Variants in MIEF2 observed in about 807,000 individuals in gnomAD.
MIEF2 encodes the protein mitochondrial elongation factor 2, also known as mitochondrial dynamics protein MID49.
MIEF2 carries 1 observed loss-of-function variant against 7.4 expected under a neutral mutation model. That is an observed-to-expected ratio of 0.14 (90% CI 0.05 to 0.64). The LOEUF (loss-of-function observed/expected upper bound fraction) is 0.64, where lower values mean the gene tolerates loss of function less well. MIEF2 is among the 30% of genes least tolerant of loss of function. The pLI, the probability that MIEF2 is intolerant of heterozygous loss-of-function variation, is 0.85. For synonymous variants in MIEF2, 275 were observed against 290.5 expected, an observed-to-expected ratio of 0.95 and a Z score of 0.54; for missense variants, 569 against 623.9, an observed-to-expected ratio of 0.91 and a Z score of 0.94.
chr17:18,261,172 T>C (rs1156494022), intron 1 of MIEF2: 2 of 1,551,368 alleles, frequency 1.3e-6, no homozygotes, highest in African/African-American at 2.7e-5. Flanking sequence ...GTTGGGAGTA[T>C]TTAAAGCGCT....
At chr17:18,261,195 A>G (rs1215017672) in intron 1 of MIEF2, 1 of 1,550,848 alleles carries the variant, frequency 6.4e-7, no homozygotes, top group Non-Finnish European at 8.7e-7. Context: ...ACAGTTTGCA[A>G]AGTAGATTCC....
In MIEF2 at chr17:18,263,862, G is replaced by A. The variant is rs149931398; in HGVS notation, c.463G>A (p.Asp155Asn). ...GGCTTTGGCCAAACAGCTGGCTGGC[G>A]ACATCGCCCTGGAGCTGCAGGCCTA... ...QVALAKQLAGDIALELQAYFR... is the reference protein window; with the variant it reads ...QVALAKQLAGNIALELQAYFR... Residue 155 changes from aspartate to asparagine, a missense_variant, in exon 4 of 4, where the codon GAC becomes AAC. Asp to Asn is a conservative substitution (Grantham distance 23). Transcript: ENST00000323019. The A allele has an allele frequency of 2.3e-5, 37 of 1,605,066 alleles. No individual in the cohort carries two copies. The highest frequency in any genetic ancestry group is 4.0e-5 in the African/African-American group (3 of 74,946).
intron 2 of MIEF2, 77 bp from the exon 3 acceptor site, chr17:18,263,009 G>C (rs1238673554): frequency 1.3e-6 from 2 of 1,570,428 alleles, no homozygotes; most frequent in Non-Finnish European, 1.7e-6. Context: ...CACCCAGCAC[G>C]CTGGTCTGCT....
rs142068813 is a variant in MIEF2, at chr17:18,264,367, A to C, written c.968A>C (p.Glu323Ala). 60 of 1,604,036 alleles carry C rather than the reference A, an allele frequency of 3.7e-5. No homozygotes were observed. The African/African-American group carries it at 6.5e-4, about 17-fold the overall frequency. ...CGCCTCCTCTTGGCCTGGCCCCTGG[A>C]GGGGCTGGCGGGGAACCTCTGGCTG... ...DDRLLLAWPL[E>A]GLAGNLWLQD... The change falls in exon 4 of 4, where the codon GAG (glutamate) becomes GCG (alanine). Residue 323 changes from glutamate (E) to alanine (A), a missense_variant. By Grantham distance (107) the Glu-to-Ala change is moderately radical. Coordinates refer to ENST00000323019, the MANE Select transcript of MIEF2 (RefSeq NM_139162.4).
Position 18,263,074 on chromosome 17 carries a change from CTG to C in MIEF2, c.148-9_148-8del, listed in dbSNP as rs762640769. On this transcript the variant is annotated splice_polypyrimidine_tract_variant and intron_variant, in intron 2 of 3. Coordinates refer to ENST00000323019, the MANE Select transcript of MIEF2 (RefSeq NM_139162.4). Reference sequence around the variant, plus strand: ...ATTTCATATACACTGATCTGTGTGACTGTGCTTGCAGTTCATTGACAGGGCCA... The same window carrying C: ...ATTTCATATACACTGATCTGTGTGACTGCTTGCAGTTCATTGACAGGGCCA... 1 of 1,612,458 alleles carries C rather than the reference CTG, an allele frequency of 6.2e-7. No individual in the cohort carries two copies. The highest frequency in any genetic ancestry group is 8.5e-7 in the Non-Finnish European group (1 of 1,179,330).
chr17:18,262,034 C>T (rs1978443091), intron 1 of MIEF2, among the ~76,000 whole-genome samples: 1 of 152,128 alleles, frequency 6.6e-6, no homozygotes, highest in Admixed American at 6.5e-5. Context: ...TCCCAGTGGT[C>T]CCCCAGACTG....
rs1978592436 is a variant in MIEF2, at chr17:18,264,077, C to T, written c.678C>T (p.Arg226=). ...VARDPRCWAV[R]RTQLEFCPRG... ...GGGACCCTCGCTGCTGGGCCGTGCG[C>T]AGGACGCAGCTTGAGTTCTGCCCCC... Residue 226 remains arginine (R), a synonymous_variant, in exon 4 of 4, where the codon CGC becomes CGT. Transcript: ENST00000323019. 1 of 1,551,868 alleles carries T rather than the reference C, an allele frequency of 6.4e-7. No individual in the cohort carries two copies. Among genetic ancestry groups the T allele is most frequent in the Non-Finnish European group, 8.7e-7 (1 of 1,153,866 alleles).
chr17:18,261,069 C>T, intron 1 of MIEF2: 1 of 1,542,664 alleles, frequency 6.5e-7, no homozygotes, highest in Non-Finnish European at 8.8e-7. Context: ...TTTTCAGCCA[C>T]CCGTGCCCTT....
In MIEF2 at chr17:18,260,662, A is replaced by G. The variant is rs1978341441; in HGVS notation, c.-83A>G. ...TGGGTTCCAGGGTCCTTCACGTTCCATTCCCAGGCTGGTCTGAGCTCCGGG... is the reference window on the plus strand; with the variant it reads ...TGGGTTCCAGGGTCCTTCACGTTCCGTTCCCAGGCTGGTCTGAGCTCCGGG... On this transcript the variant is annotated 5_prime_UTR_variant, in exon 1 of 4. Transcript: ENST00000323019. The G allele has an allele frequency of 1.1e-5, 2 of 186,380 alleles. No homozygotes were observed. Among genetic ancestry groups the G allele is most frequent in the South Asian group, 8.8e-5 (1 of 11,358 alleles). The allele number at this position is 186,380 out of a possible 1,614,324, so 11.5% of individuals were successfully genotyped here.
In MIEF2 at chr17:18,265,780, A is replaced by T. The variant is rs1978718089; in HGVS notation, c.*1016A>T. 6.6e-6 allele frequency: 1 copy of T among 152,498 alleles called. No homozygotes were observed. The highest frequency in any genetic ancestry group is 1.5e-5 in the Non-Finnish European group (1 of 68,044). 9.4% of individuals were successfully genotyped at this position (152,498 alleles called of 1,614,324 possible). ...AAGGAAAAAATTCTAATGTATATAT[A>T]ACTCAGGCTGGATAAGGGAGTCTTG... is the stretch of plus-strand genomic sequence containing the variant. On this transcript the variant is annotated 3_prime_UTR_variant, in exon 4 of 4. Transcript: ENST00000323019.
At chr17:18,263,320 TG>T (rs1445105702) in intron 3 of MIEF2, 72 bp downstream of exon 3, 2 of 1,587,098 alleles carry the variant, frequency 1.3e-6, no homozygotes, top group Non-Finnish European at 1.7e-6. Flanking sequence ...CCTGACTGAC[TG>T]TGTGACCCTG....
chr17:18,263,779 T>G lies in MIEF2; in HGVS notation c.380T>G (p.Leu127Arg). Reference protein sequence around the residue: ...LSSPAPLCLTLQERLLAFERD... With the variant: ...LSSPAPLCLTRQERLLAFERD... The stretch of plus-strand genomic sequence containing the variant: ...TCCCCAGCACCGCTGTGTCTGACAC[T>G]GCAGGAGAGGCTGCTGGCCTTCGAG... The change falls in exon 4 of 4, where the codon CTG becomes CGG. Residue 127 changes from leucine to arginine, a missense_variant. Transcript: ENST00000323019. 6.2e-7 allele frequency: 1 copy of G among 1,611,234 alleles called. No individual in the cohort carries two copies. Among genetic ancestry groups the G allele is most frequent in the Non-Finnish European group, 8.5e-7 (1 of 1,179,562 alleles).
At chr17:18,263,479 T>C (rs1978540619) in intron 3 of MIEF2, 1 of 835,966 alleles carries the variant, frequency 1.2e-6, no homozygotes, top group Non-Finnish European at 2.0e-6. Context: ...GGGCGTGACA[T>C]ACCTACCTAC....
Position 18,263,850 on chromosome 17 carries a change from CAGCT to C in MIEF2, c.452_455del (p.Gln151ArgfsTer127). On this transcript the variant is annotated frameshift_variant, in exon 4 of 4. Transcript: ENST00000323019. LOFTEE classifies it low-confidence loss of function (END_TRUNC). ...AGCAGCCCAGGTGGCTTTGGCCAAA[CAGCT>C]GGCTGGCGACATCGCCCTGGAGCTG... The C allele has an allele frequency of 1.9e-6, 3 of 1,606,288 alleles. No homozygotes were observed. The highest frequency in any genetic ancestry group is 2.5e-6 in the Non-Finnish European group (3 of 1,179,976).
In MIEF2 at chr17:18,264,723, G is replaced by GCGCT; in HGVS notation, c.1325_1328dup (p.Tyr444AlafsTer39). 1 of 1,612,570 alleles carries GCGCT rather than the reference G, an allele frequency of 6.2e-7. No individual in the cohort carries two copies. Among genetic ancestry groups the GCGCT allele is most frequent in the Non-Finnish European group, 8.5e-7 (1 of 1,179,876 alleles). On this transcript the variant is annotated frameshift_variant, in exon 4 of 4. Transcript: ENST00000323019. LOFTEE classifies it high-confidence loss of function. Reference sequence around the variant, plus strand: ...GGAGGAGATTGACGACATTGGCTATGCGCTATACAGTGGCCTACAGGAGCC... The same window carrying GCGCT: ...GGAGGAGATTGACGACATTGGCTATGCGCTCGCTATACAGTGGCCTACAGGAGCC...
intron 3 of MIEF2, 34 bp downstream of exon 3, chr17:18,263,282 C>T (rs1413632211): frequency 2.5e-6 from 4 of 1,613,370 alleles, no homozygotes; most frequent in Non-Finnish European, 3.4e-6. Flanking sequence ...TTTGGTGTCA[C>T]ATTCAAGAGA....
In MIEF2 at chr17:18,264,135, G is replaced by T; in HGVS notation, c.736G>T (p.Gly246Trp). Residue 246 changes from glycine (G) to tryptophan (W), a missense_variant, in exon 4 of 4, where the codon GGG becomes TGG. Physicochemically the swap from Gly to Trp is radical, Grantham distance 184. Coordinates refer to ENST00000323019, the MANE Select transcript of MIEF2 (RefSeq NM_139162.4). The part of the protein sequence containing the change: ...GSSPWDRFLV[G>W]GYLSSRVLLE... ...CAGCCCCTGGGACCGCTTCCTGGTC[G>T]GGGGCTACCTCTCCTCCCGCGTCCT... 1 of 1,559,284 alleles carries T rather than the reference G, an allele frequency of 6.4e-7. No homozygotes were observed. The highest frequency in any genetic ancestry group is 2.4e-5 in the East Asian group (1 of 42,498).
At position 18,264,263 on chromosome 17, in the gene MIEF2, G is replaced by A. The variant is rs1374651406; in HGVS notation, c.864G>A (p.Leu288=). The change falls in exon 4 of 4, where the codon CTG becomes CTA. Residue 288 remains leucine, a synonymous_variant. Coordinates refer to ENST00000323019, the MANE Select transcript of MIEF2 (RefSeq NM_139162.4). ...LIRPSMASEE[L]LLEVQHERLE... ...GGCCCAGCATGGCCTCGGAGGAGCT[G>A]CTGCTCGAGGTGCAGCACGAACGCC... The A allele has an allele frequency of 1.9e-6, 3 of 1,605,736 alleles. No homozygotes were observed. Among genetic ancestry groups the A allele is most frequent in the Non-Finnish European group, 2.5e-6 (3 of 1,179,814 alleles).
Position 18,263,129 on chromosome 17 carries a change from A to G in MIEF2, c.191A>G (p.Lys64Arg), listed in dbSNP as rs1236723392. 6.2e-7 allele frequency: 1 copy of G among 1,613,624 alleles called. No homozygotes were observed. The highest frequency in any genetic ancestry group is 8.5e-7 in the Non-Finnish European group (1 of 1,180,038). ...AGCCCGCGGGATGAGGATGACACCA[A>G]GGCAGACAGCTGGAAGGAACTGAGC... The part of the protein sequence containing the change: ...ATSPRDEDDT[K>R]ADSWKELSLL... The change falls in exon 3 of 4, where the codon AAG (lysine) becomes AGG (arginine). Residue 64 changes from lysine (K) to arginine (R), a missense_variant. Physicochemically the swap from Lys to Arg is conservative, Grantham distance 26 (BLOSUM62 2). Coordinates refer to ENST00000323019, the MANE Select transcript of MIEF2 (RefSeq NM_139162.4).
Sources: allele counts gnomAD v4.1 joint callset (sites outside exome capture counted in the v4.1 genomes callset), GRCh38; gene constraint gnomAD v4.1.1; transcripts MANE v1.5; gene names NCBI Gene and HGNC (gene_info 2026-07-23, HGNC 2026-07-21).